Variants in CYFIP1 observed in about 807,000 individuals in gnomAD.
The protein encoded by CYFIP1 is cytoplasmic FMR1-interacting protein 1.
CYFIP1 carries 58 observed loss-of-function variants against 163.5 expected under a neutral mutation model. The ratio of observed to expected loss-of-function variants is 0.35; its 90% CI spans 0.29 to 0.44. The LOEUF (loss-of-function observed/expected upper bound fraction) is 0.44. Among genes scored for constraint, CYFIP1 ranks in the 20% least tolerant of loss-of-function variants. CYFIP1 has a pLI of 1.00. For synonymous variants in CYFIP1, 663 were observed against 660.7 expected, an observed-to-expected ratio of 1.00 and a Z score of -0.05; for missense variants, 1,338 against 1,653.8, an observed-to-expected ratio of 0.81 and a Z score of 3.31.
At chr15:22,898,437 A>G (rs1445661907) in intron 22 of CYFIP1, among the ~76,000 whole-genome samples, 1 of 152,082 alleles carries the variant, frequency 6.6e-6, no homozygotes, top group Non-Finnish European at 1.5e-5. Flanking sequence ...AATTTTAAAC[A>G]TAATATTTTA....
rs115603072 is a variant in CYFIP1, at chr15:22,956,214, A to G, written c.-6-8923T>C. Reference sequence around the variant, plus strand: ...AGAGTGAGACTCTGTCTCAAAAAAAATAAATAAATATGATTTGGTCCTTTT... The same window carrying G: ...AGAGTGAGACTCTGTCTCAAAAAAAGTAAATAAATATGATTTGGTCCTTTT... On this transcript the variant is annotated intron_variant, in intron 1 of 30. Transcript: ENST00000617928. Among the ~76,000 whole-genome samples, 866 of 152,160 alleles carry G rather than the reference A, an allele frequency of 5.7e-3. 10 individuals carry two copies. Among genetic ancestry groups the G allele is most frequent in the African/African-American group, 0.02 (833 of 41,488 alleles).
chr15:22,976,339 G>A (rs1476193873), intron 1 of CYFIP1, among the ~76,000 whole-genome samples: 4 of 152,122 alleles, frequency 2.6e-5, no homozygotes, highest in Admixed American at 2.6e-4. Flanking sequence ...TGTATTTTTA[G>A]TAGAGACAGG....
At chr15:22,916,129 C>G (rs754785170) in intron 16 of CYFIP1, among the ~76,000 whole-genome samples, 15 of 152,214 alleles carry the variant, frequency 9.9e-5, no homozygotes, top group Non-Finnish European at 1.9e-4. Flanking sequence ...ACCTTCCCCC[C>G]ACGTCATGGT....
At chr15:22,960,361 G>A (rs1467795346) in intron 1 of CYFIP1, among the ~76,000 whole-genome samples, 1 of 152,228 alleles carries the variant, frequency 6.6e-6, no homozygotes, top group Non-Finnish European at 1.5e-5. Context: ...CCCCATTTCA[G>A]CGGGCTCGTG....
rs1032215716 is a variant in CYFIP1, at chr15:22,912,264, T to C, written c.1997A>G (p.Tyr666Cys). The C allele has an allele frequency of 2.5e-6, 4 of 1,610,478 alleles. No homozygotes were observed. The African/African-American group carries it at 5.4e-5, about 22-fold the overall frequency. Residue 666 changes from tyrosine (Y) to cysteine (C), a missense_variant, in exon 18 of 31, where the codon TAC becomes TGC. Physicochemically the swap from Tyr to Cys is radical, Grantham distance 194. Around this residue, in one of 4 missense-constraint regions of CYFIP1, gnomAD observed 824 missense variants for 995.7 expected, o/e 0.83. Transcript: ENST00000617928. Reference protein sequence around the residue: ...KEASMMEYVLYSLDLYNDSAH... With the variant: ...KEASMMEYVLCSLDLYNDSAH... The stretch of plus-strand genomic sequence containing the variant: ...GCTGTCATTGTACAGGTCCAGGGAG[T>C]AGAGCACGTACCTGCAGAGGACAGC...
intron 23 of CYFIP1, among the ~76,000 whole-genome samples, chr15:22,884,526 C>T (rs2059876389): frequency 6.6e-6 from 1 of 152,224 alleles, no homozygotes. Flanking sequence ...CAGTCTTGGG[C>T]AGCTCCACCC....
chr15:22,949,395 G>A (rs1256133558), intron 1 of CYFIP1, among the ~76,000 whole-genome samples: 1 of 152,208 alleles, frequency 6.6e-6, no homozygotes, highest in African/African-American at 2.4e-5. Flanking sequence ...GGTGAAGCCA[G>A]GACGTGGGCA....
chr15:22,925,649 C>T (rs2061333299), intron 13 of CYFIP1, among the ~76,000 whole-genome samples: 1 of 152,152 alleles, frequency 6.6e-6, no homozygotes, highest in South Asian at 2.1e-4. Context: ...GAGGGGAGTG[C>T]AGCGCCTGCC....
chr15:22,971,645 T>C (rs7167346), intron 1 of CYFIP1, among the ~76,000 whole-genome samples: 2,745 of 149,152 alleles, frequency 0.018, 74 homozygotes, highest in East Asian at 0.11. Context: ...CATTGCACTC[T>C]AGCCTGAGCA....
chr15:22,908,695 A>C (rs2060675798), intron 21 of CYFIP1, among the ~76,000 whole-genome samples: 1 of 151,096 alleles, frequency 6.6e-6, no homozygotes, highest in Non-Finnish European at 1.5e-5. Flanking sequence ...CGCCCGCCTA[A>C]TTTTTGTAGT....
chr15:22,947,253 C>T lies in CYFIP1; in HGVS notation c.33G>A (p.Leu11=), dbSNP rs1248094218. The part of the protein sequence containing the change: MAAQVTLEDA[L]SNVDLLEELP... ...GCTCCTCCAGGAGGTCCACGTTGGACAGCGCGTCCTCCAGAGTCACCTGGG... is the reference window on the plus strand; with the variant it reads ...GCTCCTCCAGGAGGTCCACGTTGGATAGCGCGTCCTCCAGAGTCACCTGGG... The change falls in exon 2 of 31, where the codon CTG becomes CTA. Residue 11 remains leucine, a synonymous_variant. Transcript: ENST00000617928. 1 of 1,613,956 alleles carries T rather than the reference C, an allele frequency of 6.2e-7. No homozygotes were observed. Among genetic ancestry groups the T allele is most frequent in the Non-Finnish European group, 8.5e-7 (1 of 1,179,940 alleles).
In CYFIP1 at chr15:22,870,018, G is replaced by A. The variant is rs755500102; in HGVS notation, c.*10C>T. On this transcript the variant is annotated 3_prime_UTR_variant, in exon 31 of 31. Coordinates refer to ENST00000617928, the MANE Select transcript of CYFIP1 (RefSeq NM_014608.6). ...ATGCCATGTTGAGTTACGGAGTGCA[G>A]CGCGTGCCCTCAGCTGCTGGCGAGG... is the stretch of plus-strand genomic sequence containing the variant. The A allele has an allele frequency of 4.3e-5, 68 of 1,592,716 alleles. No homozygotes were observed. The highest frequency in any genetic ancestry group is 5.6e-5 in the Non-Finnish European group (66 of 1,172,900).
intron 18 of CYFIP1, among the ~76,000 whole-genome samples, chr15:22,911,797 T>C (rs2060796052): frequency 1.3e-5 from 2 of 152,198 alleles, no homozygotes; most frequent in Admixed American, 1.3e-4. Context: ...GAATTCCACC[T>C]GTGGGAATTT....
At chr15:22,876,067 C>A (rs947289451) in intron 26 of CYFIP1, among the ~76,000 whole-genome samples, 1 of 151,670 alleles carries the variant, frequency 6.6e-6, no homozygotes. Context: ...CCCCACGGAG[C>A]AGGCAGAAGG....
chr15:22,916,775 T>G, intron 15 of CYFIP1, 145 bp from the exon 16 acceptor site: 1 of 1,600,546 alleles, frequency 6.2e-7, no homozygotes, highest in Non-Finnish European at 8.5e-7. Flanking sequence ...GGGGTCCGGG[T>G]GCCTGTCTAC....
At chr15:22,896,863 C>A (rs546616063) in intron 22 of CYFIP1, among the ~76,000 whole-genome samples, 1 of 152,106 alleles carries the variant, frequency 6.6e-6, no homozygotes, top group Non-Finnish European at 1.5e-5. Flanking sequence ...CTTGATTGGG[C>A]ACTGGGCATT....
Position 22,873,579 on chromosome 15 carries a change from C to A in CYFIP1, c.3361G>T (p.Val1121Leu). The change falls in exon 29 of 31, where the codon GTG becomes TTG. Residue 1121 changes from valine to leucine, a missense_variant. Physicochemically the swap from Val to Leu is conservative, Grantham distance 32 (BLOSUM62 1). This residue lies in a region of CYFIP1 where 306 missense variants were observed against 322.1 expected (regional missense o/e 0.95). Transcript: ENST00000617928. Reference protein sequence around the residue: ...GPLPSNGVMHVDECVEFHRLW... With the variant: ...GPLPSNGVMHLDECVEFHRLW... Reference sequence around the variant, plus strand: ...CTGTGAAACTCCACACACTCGTCCACATGCATGACCCCATTGCTGGGCAGA... The same window carrying A: ...CTGTGAAACTCCACACACTCGTCCAAATGCATGACCCCATTGCTGGGCAGA... 6.2e-7 allele frequency: 1 copy of A among 1,614,276 alleles called. No individual in the cohort carries two copies.
intron 1 of CYFIP1, among the ~76,000 whole-genome samples, chr15:22,956,621 G>A (rs1039757270): frequency 1.7e-4 from 26 of 152,066 alleles, no homozygotes; most frequent in African/African-American, 5.6e-4. Context: ...CTCTGGAGAC[G>A]GGGCATCTCA....
rs190178911 is a variant in CYFIP1, at chr15:22,979,640, T to C, written c.-7+647A>G. 7.9e-5 allele frequency among the ~76,000 whole-genome samples: 12 copies of C among 152,334 alleles called. 1 individual carries two copies. The East Asian group carries it at 2.1e-3, about 27-fold the overall frequency. ...CACCCTTCTTGTCACACCCACAATG[T>C]GCTGCAAATTAAGCTCACGCATTTC... is the stretch of plus-strand genomic sequence containing the variant. On this transcript the variant is annotated intron_variant, in intron 1 of 30. Transcript: ENST00000617928.
Sources: gnomAD v4.1 joint callset for allele counts (sites outside exome capture counted in the v4.1 genomes callset) on GRCh38, gnomAD v4.1.1 for gene constraint, gnomAD v4.1.1 regional missense constraint, MANE v1.5 for transcripts, NCBI Gene and HGNC (gene_info 2026-07-23, HGNC 2026-07-21) for gene names.